The following FYCO1 variants were observed in gnomAD, a reference collection of about 807,000 sequenced individuals.
FYCO1 encodes the protein FYVE and coiled-coil domain-containing protein 1.
A neutral mutation model predicts 165.1 loss-of-function variants in FYCO1; 122 were observed. The ratio of observed to expected loss-of-function variants is 0.74; its 90% confidence interval spans 0.64 to 0.86. The LOEUF is 0.86. Among genes scored for constraint, FYCO1 ranks in the 40% least tolerant of loss-of-function variants. The probability of loss-of-function intolerance (pLI) is 0.00; values close to 1 mark genes in which losing one functional copy is unlikely to be tolerated. For missense variants in FYCO1, 1,702 were observed against 1,810.3 expected (o/e 0.94, Z 1.09); for synonymous variants, 648 against 742.5 (o/e 0.87, Z 2.07).
chr3:45,967,742 T>G lies in FYCO1; in HGVS notation c.1592A>C (p.Asp531Ala). ...QLAQVSQHVS[D>A]LEEQKKQLIQ... ...GAGCTGCTTCTTCTGCTCCTCCAGG[T>G]CACTCACATGTTGGCTCACCTGTGC... The change falls in exon 8 of 18, where the codon GAC (aspartate) becomes GCC (alanine). Residue 531 changes from aspartate (D) to alanine (A), a missense_variant. Coordinates refer to ENST00000296137, the MANE Select transcript of FYCO1 (RefSeq NM_024513.4). 2 of 1,613,308 alleles carry G rather than the reference T, an allele frequency of 1.2e-6. No individual in the cohort carries two copies. Among genetic ancestry groups the G allele is most frequent in the Non-Finnish European group, 1.7e-6 (2 of 1,180,010 alleles).
At chr3:45,938,597 G>A (rs1385095050) in intron 14 of FYCO1, among the ~76,000 whole-genome samples, 1 of 152,142 alleles carries the variant, frequency 6.6e-6, no homozygotes, top group African/African-American at 2.4e-5. Context: ...TGGTTCAAGC[G>A]ATTTTCCTGC....
At chr3:45,955,643 A>G (rs1402070537) in intron 13 of FYCO1, among the ~76,000 whole-genome samples, 1 of 152,244 alleles carries the variant, frequency 6.6e-6, no homozygotes, top group Non-Finnish European at 1.5e-5. Context: ...AGACTTCTCA[A>G]AGTCAGGGGC....
chr3:45,982,280 T>C (rs1451052015), intron 2 of FYCO1, among the ~76,000 whole-genome samples: 1 of 152,058 alleles, frequency 6.6e-6, no homozygotes, highest in African/African-American at 2.4e-5. Flanking sequence ...TTAATTATAA[T>C]ATACATTACA....
rs766549075 is a variant in FYCO1, at chr3:45,968,481, C to T, written c.853G>A (p.Ala285Thr). The T allele has an allele frequency of 6.2e-7, 1 of 1,613,942 alleles. No homozygotes were observed. The highest frequency in any genetic ancestry group is 8.5e-7 in the Non-Finnish European group (1 of 1,180,058). Residue 285 changes from alanine to threonine, a missense_variant, in exon 8 of 18, where the codon GCG becomes ACG. Transcript: ENST00000296137. Reference protein sequence around the residue: ...QTERERGRTAAEDNVRLTCLV... With the variant: ...QTERERGRTATEDNVRLTCLV... ...CAAGTGAGGCGAACGTTGTCCTCCG[C>T]TGCAGTGCGCCCCCTCTCCCTCTCT...
At chr3:45,982,025 C>T (rs1707086650) in intron 2 of FYCO1, among the ~76,000 whole-genome samples, 1 of 152,174 alleles carries the variant, frequency 6.6e-6, no homozygotes, top group African/African-American at 2.4e-5. Flanking sequence ...GAAAGCTTTA[C>T]CTTTATTCTA....
chr3:45,950,993 A>G (rs1342219374), intron 14 of FYCO1, among the ~76,000 whole-genome samples: 2 of 152,216 alleles, frequency 1.3e-5, no homozygotes, highest in Non-Finnish European at 2.9e-5. Context: ...CACTCTGACC[A>G]TGAAGCACCA....
intron 13 of FYCO1, among the ~76,000 whole-genome samples, chr3:45,955,786 G>A (rs1705275145): frequency 6.6e-6 from 1 of 152,236 alleles, no homozygotes; most frequent in Admixed American, 6.5e-5. Context: ...GACACAGGCA[G>A]TACTTATTCA....
At chr3:45,931,012 C>A (rs1311512888) in intron 16 of FYCO1, 59 bp downstream of exon 16, 44 of 1,522,238 alleles carry the variant, frequency 2.9e-5, no homozygotes, top group Non-Finnish European at 3.7e-5. Flanking sequence ...TTGAGAAAGG[C>A]CTGCCCAAGT....
intron 16 of FYCO1, among the ~76,000 whole-genome samples, chr3:45,927,682 A>C (rs1703387853): frequency 6.6e-6 from 1 of 152,172 alleles, no homozygotes; most frequent in Non-Finnish European, 1.5e-5. Context: ...TTCTAGTTCC[A>C]CCAGGGACTA....
chr3:45,990,102 G>A (rs911492740), intron 1 of FYCO1, among the ~76,000 whole-genome samples: 2 of 152,244 alleles, frequency 1.3e-5, no homozygotes, highest in Admixed American at 1.3e-4. Context: ...GACCTCTCCT[G>A]ACCGAAGTGT....
intron 16 of FYCO1, 33 bp downstream of exon 16, chr3:45,931,038 T>C (rs1358680253): frequency 1.9e-6 from 3 of 1,600,960 alleles, no homozygotes; most frequent in Non-Finnish European, 2.6e-6. Flanking sequence ...GATGTGTGTG[T>C]AAGGAGCCCA....
intron 8 of FYCO1, among the ~76,000 whole-genome samples, chr3:45,966,055 G>A (rs1705991785): frequency 6.6e-6 from 1 of 152,192 alleles, no homozygotes; most frequent in South Asian, 2.1e-4. Flanking sequence ...TTAAACTTCT[G>A]GGCTAAGGCA....
chr3:45,956,608 G>A (rs1026353272), intron 13 of FYCO1, among the ~76,000 whole-genome samples: 1 of 152,078 alleles, frequency 6.6e-6, no homozygotes, highest in Non-Finnish European at 1.5e-5. Flanking sequence ...AGAGCTTGAG[G>A]CATAGGCTGA....
At chr3:45,952,704 G>A (rs1288048829) in intron 14 of FYCO1, among the ~76,000 whole-genome samples, 2 of 150,124 alleles carry the variant, frequency 1.3e-5, no homozygotes, top group African/African-American at 2.4e-5. Context: ...AGGGGAAGGT[G>A]AGGGGTAAGG....
chr3:45,967,212 C>A lies in FYCO1; in HGVS notation c.2122G>T (p.Glu708Ter). The A allele has an allele frequency of 1.2e-6, 2 of 1,614,052 alleles. No homozygotes were observed. Among genetic ancestry groups the A allele is most frequent in the South Asian group, 1.1e-5 (1 of 91,082 alleles). ...ACCTCCTCCCGCAGCTGCTGACACTCGCCCTCCTTGCTCTGTAGAATGGCC... is the reference window on the plus strand; with the variant it reads ...ACCTCCTCCCGCAGCTGCTGACACTAGCCCTCCTTGCTCTGTAGAATGGCC... ...KEAILQSKEG[E>*]CQQLREEVEQ... The change falls in exon 8 of 18, where the codon GAG becomes TAG. Residue 708 changes from glutamate to a stop codon, truncating the protein, a stop_gained. Coordinates refer to ENST00000296137, the MANE Select transcript of FYCO1 (RefSeq NM_024513.4). LOFTEE classifies it high-confidence loss of function.
chr3:45,981,519 G>C, intron 3 of FYCO1, 51 bp downstream of exon 3: 1 of 1,142,708 alleles, frequency 8.8e-7, no homozygotes, highest in South Asian at 1.2e-5. Context: ...CACCCAAGAG[G>C]GAGAAAAGAG....
At chr3:45,946,713 C>T in intron 14 of FYCO1, 1 of 1,614,236 alleles carries the variant, frequency 6.2e-7, no homozygotes, top group East Asian at 2.2e-5. Flanking sequence ...CCTGGCTGAC[C>T]TGGTGTTTGT....
At position 45,931,275 on chromosome 3, in the gene FYCO1, T is replaced by C; in HGVS notation, c.4047A>G (p.Lys1349=). 6.2e-7 allele frequency: 1 copy of C among 1,613,636 alleles called. No homozygotes were observed. Among genetic ancestry groups the C allele is most frequent in the South Asian group, 1.1e-5 (1 of 91,078 alleles). The part of the protein sequence containing the change: ...CLLKSGELMI[K]VPLTVDEIAS... Reference sequence around the variant, plus strand: ...CGATCTCATCCACTGTGAGGGGTACTTTGATCCTAAAATAAAAATACAGAG... The same window carrying C: ...CGATCTCATCCACTGTGAGGGGTACCTTGATCCTAAAATAAAAATACAGAG... The change falls in exon 16 of 18, where the codon AAA becomes AAG. Residue 1349 remains lysine, a synonymous_variant. Transcript: ENST00000296137.
At chr3:45,938,739 A>C (rs1704036897) in intron 14 of FYCO1, among the ~76,000 whole-genome samples, 1 of 152,162 alleles carries the variant, frequency 6.6e-6, no homozygotes, top group African/African-American at 2.4e-5. Context: ...TGATTGGCCC[A>C]CCTCGGCCTC....
Sources: allele counts gnomAD v4.1 joint callset (sites outside exome capture counted in the v4.1 genomes callset), GRCh38; gene constraint gnomAD v4.1.1; transcripts MANE v1.5; gene names NCBI Gene and HGNC (gene_info 2026-07-23, HGNC 2026-07-21).